Variants in COL23A1 observed in about 807,000 individuals in gnomAD.
The protein encoded by COL23A1 is collagen alpha-1(XXIII) chain.
COL23A1 carries 97 observed loss-of-function variants against 99.3 expected under a neutral mutation model. The observed-to-expected ratio is 0.98, with a 90% confidence interval of 0.83 to 1.16. COL23A1 has a LOEUF of 1.16. COL23A1 is among the 50% of genes most tolerant of loss of function. The probability of loss-of-function intolerance (pLI) is 0.00; values close to 1 mark genes in which losing one functional copy is unlikely to be tolerated. For synonymous variants in COL23A1, 320 were observed against 308.2 expected, an observed-to-expected ratio of 1.04 and a Z score of -0.40; for missense variants, 762 against 757.4, an observed-to-expected ratio of 1.01 and a Z score of -0.07.
chr5:178,568,507 T>C (rs1277333923), intron 1 of COL23A1, among the ~76,000 whole-genome samples: 2 of 150,482 alleles, frequency 1.3e-5, no homozygotes, highest in Non-Finnish European at 3.0e-5. Flanking sequence ...TTCAGTGGCA[T>C]TAAGTACATT....
chr5:178,421,773 G>T (rs1765644161), intron 2 of COL23A1, among the ~76,000 whole-genome samples: 1 of 152,212 alleles, frequency 6.6e-6, no homozygotes, highest in Admixed American at 6.5e-5. Flanking sequence ...GAAGGCTGAG[G>T]CATGAGAATC....
intron 1 of COL23A1, 39 bp from the exon 2 acceptor site, chr5:178,560,787 A>G: frequency 6.3e-7 from 1 of 1,574,920 alleles, no homozygotes; most frequent in Non-Finnish European, 8.6e-7. Flanking sequence ...ACGAGGAGAG[A>G]ATGAGTTTCA....
intron 17 of COL23A1, 25 bp downstream of exon 17, chr5:178,252,519 A>G: frequency 6.2e-7 from 1 of 1,602,672 alleles, no homozygotes; most frequent in Non-Finnish European, 8.5e-7. Flanking sequence ...TGCTTGGGGG[A>G]CCACATAGCT....
chr5:178,273,007 G>A (rs1756379231), intron 5 of COL23A1, among the ~76,000 whole-genome samples: 1 of 152,218 alleles, frequency 6.6e-6, no homozygotes, highest in African/African-American at 2.4e-5. Context: ...CATGCAGCTG[G>A]AGAGGTCTGG....
chr5:178,416,125 T>C (rs915204558), intron 2 of COL23A1, among the ~76,000 whole-genome samples: 5 of 152,194 alleles, frequency 3.3e-5, no homozygotes, highest in Admixed American at 2.0e-4. Flanking sequence ...GCTCGTTGAC[T>C]ACATACTGGT....
chr5:178,251,278 C>A (rs1239577459), intron 17 of COL23A1, among the ~76,000 whole-genome samples: 1 of 152,122 alleles, frequency 6.6e-6, no homozygotes, highest in Non-Finnish European at 1.5e-5. Context: ...GCCTCCACCT[C>A]CCAAAGTGCT....
chr5:178,451,872 T>A (rs1400285682), intron 2 of COL23A1, among the ~76,000 whole-genome samples: 3 of 152,082 alleles, frequency 2.0e-5, no homozygotes, highest in Non-Finnish European at 4.4e-5. Flanking sequence ...AAAGTAAGAT[T>A]TGAAACAGTG....
chr5:178,358,648 A>C (rs80083329), intron 2 of COL23A1, among the ~76,000 whole-genome samples: 18,812 of 135,348 alleles, frequency 0.14, 1,296 homozygotes, highest in Non-Finnish European at 0.15. Flanking sequence ...GTGTGTGTGT[A>C]TGTGTACGTG....
At chr5:178,472,913 C>G (rs192637033) in intron 2 of COL23A1, among the ~76,000 whole-genome samples, 131 of 152,216 alleles carry the variant, frequency 8.6e-4, no homozygotes, top group African/African-American at 2.8e-3. Flanking sequence ...TTGCTTGAGC[C>G]TGGGAGTTCA....
At chr5:178,333,490 CCAG>C (rs1760151802) in intron 2 of COL23A1, among the ~76,000 whole-genome samples, 2 of 152,178 alleles carry the variant, frequency 1.3e-5, no homozygotes, top group South Asian at 4.1e-4. Context: ...GCCTCCCCAC[CCAG>C]CCACGCCCTT....
At chr5:178,464,463 G>A (rs151206927) in intron 2 of COL23A1, among the ~76,000 whole-genome samples, 4 of 152,222 alleles carry the variant, frequency 2.6e-5, no homozygotes, top group African/African-American at 9.6e-5. Context: ...GCCGCTGATG[G>A]TCACTTGAGT....
In COL23A1 at chr5:178,366,901, T is replaced by C. The variant is rs1422545123; in HGVS notation, c.362-59982A>G. On this transcript the variant is annotated intron_variant, in intron 2 of 28. Coordinates refer to ENST00000390654, the MANE Select transcript of COL23A1 (RefSeq NM_173465.4). This position sits in a 1 kb window ranked among gnomAD's most constrained non-coding sequence, Gnocchi z 4.4. Reference sequence around the variant, plus strand: ...GGCCCACTTGGCATGAGTGGCTGGCTTGCTCGCCTTCCTGGCCACACCAGA... The same window carrying C: ...GGCCCACTTGGCATGAGTGGCTGGCCTGCTCGCCTTCCTGGCCACACCAGA... Among the ~76,000 whole-genome samples the C allele has an allele frequency of 2.0e-5, 3 of 152,322 alleles. No homozygotes were observed. The highest frequency in any genetic ancestry group is 3.9e-4 in the East Asian group (2 of 5,168).
chr5:178,570,756 G>C (rs563341912), intron 1 of COL23A1, among the ~76,000 whole-genome samples: 24 of 152,268 alleles, frequency 1.6e-4, no homozygotes, highest in Non-Finnish European at 2.8e-4. Flanking sequence ...AGCACATGGA[G>C]GGGGGACGCG....
intron 2 of COL23A1, among the ~76,000 whole-genome samples, chr5:178,373,646 C>A (rs1167923805): frequency 1.3e-5 from 2 of 152,112 alleles, no homozygotes; most frequent in Non-Finnish European, 2.9e-5. Context: ...AAACTCCTGA[C>A]CTCAGGTGAT....
chr5:178,498,209 T>TAC lies in COL23A1; in HGVS notation c.361+62472_361+62473insGT, dbSNP rs1368610534. On this transcript the variant is annotated intron_variant, in intron 2 of 28. Coordinates refer to ENST00000390654, the MANE Select transcript of COL23A1 (RefSeq NM_173465.4). Reference sequence around the variant, plus strand: ...GCGAGACCCTGTCTTTATTTAAATATATATATATATATATATATATATATA... The same window carrying TAC: ...GCGAGACCCTGTCTTTATTTAAATATACATATATATATATATATATATATATA... Among the ~76,000 whole-genome samples the TAC allele has an allele frequency of 1.5e-3, 22 of 14,498 alleles. 1 individual carries two copies. The highest frequency in any genetic ancestry group is 0.015 in the African/African-American group (21 of 1,440). 9.5% of individuals were successfully genotyped at this position (14,498 alleles called of 152,430 possible). A position where few individuals can be genotyped will look rare whatever the true frequency, so the allele number is the denominator to read the frequency against.
chr5:178,583,670 GA>G (rs1167960537), intron 1 of COL23A1, among the ~76,000 whole-genome samples: 1 of 152,228 alleles, frequency 6.6e-6, no homozygotes, highest in African/African-American at 2.4e-5. Context: ...TTGGAAAACA[GA>G]AACTAACACT....
chr5:178,346,404 T>G (rs886823282), intron 2 of COL23A1, among the ~76,000 whole-genome samples: 5 of 152,064 alleles, frequency 3.3e-5, no homozygotes, highest in Admixed American at 3.3e-4. Context: ...TGGCTAATTT[T>G]TTTGTATTTT....
At chr5:178,277,540 A>G (rs755200332) in intron 5 of COL23A1, among the ~76,000 whole-genome samples, 3 of 152,358 alleles carry the variant, frequency 2.0e-5, no homozygotes, top group East Asian at 1.9e-4. Context: ...CCTGCTGCCC[A>G]TGGCGAGGTG....
intron 3 of COL23A1, among the ~76,000 whole-genome samples, chr5:178,296,088 G>A (rs578017450): frequency 4.6e-5 from 7 of 152,366 alleles, no homozygotes; most frequent in African/African-American, 1.2e-4. Flanking sequence ...GAACTTGACA[G>A]TGGCTGGAGA....
Sources: allele counts gnomAD v4.1 joint callset (sites outside exome capture counted in the v4.1 genomes callset), GRCh38; gene constraint gnomAD v4.1.1; non-coding constraint Gnocchi (gnomAD v3.1); transcripts MANE v1.5; gene names NCBI Gene and HGNC (gene_info 2026-07-23, HGNC 2026-07-21).